Variants in CHD6 observed in about 807,000 individuals in gnomAD.
The protein encoded by CHD6 is chromodomain helicase DNA binding protein 6, also known as ATP-dependent chromatin remodeler CHD6.
CHD6 carries 50 observed loss-of-function variants against 276.9 expected under a neutral mutation model. The observed-to-expected ratio is 0.18, with a 90% CI of 0.14 to 0.23. The LOEUF (loss-of-function observed/expected upper bound fraction) is 0.23, where lower values mean the gene tolerates loss of function less well. Among genes scored for constraint, CHD6 ranks in the 10% least tolerant of loss-of-function variants. CHD6 has a pLI of 1.00. For synonymous variants in CHD6, 1,173 were observed against 1,229.3 expected (o/e 0.95, Z 0.96); for missense variants, 2,564 against 3,365.8 (o/e 0.76, Z 5.89).
At chr20:41,497,096 A>G (rs2043705097) in intron 8 of CHD6, 1 of 302,894 alleles carries the variant, frequency 3.3e-6, no homozygotes, top group Non-Finnish European at 6.3e-6. Context: ...GGGAGCAGGG[A>G]CAAAAGAATT....
At chr20:41,576,773 A>G (rs1022573786) in intron 1 of CHD6, among the ~76,000 whole-genome samples, 1 of 152,170 alleles carries the variant, frequency 6.6e-6, no homozygotes, top group Non-Finnish European at 1.5e-5. Context: ...ATCTTTTTCC[A>G]TTTTATCCCT....
At chr20:41,462,092 G>A (rs1437549764) in intron 17 of CHD6, 2 of 152,198 alleles carry the variant, frequency 1.3e-5, no homozygotes, top group African/African-American at 4.8e-5. Flanking sequence ...GGTTTCTAGT[G>A]CCTACTCAGT....
intron 27 of CHD6, among the ~76,000 whole-genome samples, chr20:41,436,716 G>C (rs1165854797): frequency 3.7e-4 from 57 of 152,146 alleles, no homozygotes; most frequent in Admixed American, 6.5e-5. Flanking sequence ...CAACCACCTA[G>C]ATGAATCCCA....
intron 36 of CHD6, among the ~76,000 whole-genome samples, chr20:41,408,033 C>T (rs1271731234): frequency 6.6e-6 from 1 of 151,948 alleles, no homozygotes; most frequent in African/African-American, 2.4e-5. Context: ...TGAACTCCTA[C>T]ACCTGTCCTT....
intron 25 of CHD6, 108 bp from the exon 26 acceptor site, chr20:41,440,237 CA>C (rs1569080250): frequency 4.0e-6 from 4 of 998,334 alleles, no homozygotes; most frequent in South Asian, 1.7e-5. Flanking sequence ...AAAACAAACA[CA>C]AAAAAATAAT....
intron 1 of CHD6, among the ~76,000 whole-genome samples, chr20:41,601,078 A>G (rs2045768564): frequency 6.6e-6 from 1 of 152,198 alleles, no homozygotes; most frequent in Admixed American, 6.5e-5. Flanking sequence ...TCTTTCTGTG[A>G]CTGTTACCTG....
At position 41,404,393 on chromosome 20, in the gene CHD6, A is replaced by G; in HGVS notation, c.*200T>C. 1 of 1,276,238 alleles carries G rather than the reference A, an allele frequency of 7.8e-7. No homozygotes were observed. The highest frequency in any genetic ancestry group is 9.9e-7 in the Non-Finnish European group (1 of 1,013,306). The allele number at this position is 1,276,238 out of a possible 1,614,324, so 79.1% of individuals were successfully genotyped here. On this transcript the variant is annotated 3_prime_UTR_variant, in exon 37 of 37. Coordinates refer to ENST00000373233, the MANE Select transcript of CHD6 (RefSeq NM_032221.5). Reference sequence around the variant, plus strand: ...ATGAGAATTCTGTGCCTCCTAGACTAGGTAGACAACACTTATCTAATGAAG... The same window carrying G: ...ATGAGAATTCTGTGCCTCCTAGACTGGGTAGACAACACTTATCTAATGAAG...
At position 41,421,146 on chromosome 20, in the gene CHD6, C is replaced by T. The variant is rs958286603; in HGVS notation, c.5489G>A (p.Ser1830Asn). ...CAGGTTTCTTTTGGAGTCACAGACA[C>T]TAAGACTGCACATATCTACAAACCC... ...ESGFVDMCSL[S>N]VCDSKRNLSS... Residue 1830 changes from serine (S) to asparagine (N), a missense_variant, in exon 31 of 37, where the codon AGT becomes AAT. This residue lies in a region of CHD6 where 1,024 missense variants were observed against 1,047.9 expected (regional missense o/e 0.98). Coordinates refer to ENST00000373233, the MANE Select transcript of CHD6 (RefSeq NM_032221.5). 6.2e-7 allele frequency: 1 copy of T among 1,614,054 alleles called. No homozygotes were observed.
At chr20:41,530,968 G>A (rs2044670452) in intron 3 of CHD6, among the ~76,000 whole-genome samples, 2 of 152,176 alleles carry the variant, frequency 1.3e-5, no homozygotes, top group South Asian at 2.1e-4. Context: ...ATCAAATCAA[G>A]TTGCGTTAAT....
intron 14 of CHD6, chr20:41,486,033 A>G (rs1248453243): frequency 3.3e-5 from 5 of 152,144 alleles, no homozygotes; most frequent in Admixed American, 2.0e-4. Flanking sequence ...GTTTTCTCCT[A>G]CCTAACTCCA....
chr20:41,421,431 A>G lies in CHD6; in HGVS notation c.5204T>C (p.Ile1735Thr). 2 of 1,614,194 alleles carry G rather than the reference A, an allele frequency of 1.2e-6. No homozygotes were observed. Among genetic ancestry groups the G allele is most frequent in the Non-Finnish European group, 1.7e-6 (2 of 1,180,022 alleles). ...CCCATCTTTGCTTATTGAGATGGTA[A>G]TAACATCTTTTCTAGATTCAGTATT... Reference protein sequence around the residue: ...STNTESRKDVITISISKDGNC... With the variant: ...STNTESRKDVTTISISKDGNC... Residue 1735 changes from isoleucine to threonine, a missense_variant, in exon 31 of 37, where the codon ATT becomes ACT. Transcript: ENST00000373233.
intron 19 of CHD6, among the ~76,000 whole-genome samples, chr20:41,455,298 T>C (rs1003949806): frequency 3.3e-5 from 5 of 152,078 alleles, no homozygotes; most frequent in Non-Finnish European, 7.4e-5. Flanking sequence ...AACCTGAGAG[T>C]GATCTGCTAA....
In CHD6 at chr20:41,484,732, A is replaced by C; in HGVS notation, c.2002-125T>G. Reference sequence around the variant, plus strand: ...AGTACTGTGGTAGTAGACTAAAAGAAAGATTATGATCGACCCCTGAAAATG... The same window carrying C: ...AGTACTGTGGTAGTAGACTAAAAGACAGATTATGATCGACCCCTGAAAATG... On this transcript the variant is annotated intron_variant, in intron 14 of 36. Coordinates refer to ENST00000373233, the MANE Select transcript of CHD6 (RefSeq NM_032221.5). The C allele has an allele frequency of 8.1e-6, 8 of 993,324 alleles. 1 individual carries two copies. The South Asian group carries it at 1.1e-4, about 14-fold the overall frequency. The allele number at this position is 993,324 out of a possible 1,614,324, so 61.5% of individuals were successfully genotyped here.
chr20:41,578,861 T>G (rs983397675), intron 1 of CHD6, among the ~76,000 whole-genome samples: 1 of 139,118 alleles, frequency 7.2e-6, no homozygotes, highest in Non-Finnish European at 1.5e-5. Flanking sequence ...AGGCCCCCAT[T>G]AGAAAGAAAA....
intron 1 of CHD6, among the ~76,000 whole-genome samples, chr20:41,576,414 G>A (rs2045475075): frequency 6.6e-6 from 1 of 152,202 alleles, no homozygotes; most frequent in Non-Finnish European, 1.5e-5. Context: ...GGCCAGGCGT[G>A]GTGGCTCACA....
intron 27 of CHD6, among the ~76,000 whole-genome samples, chr20:41,434,214 A>G (rs896924548): frequency 4.0e-4 from 61 of 152,218 alleles, no homozygotes; most frequent in African/African-American, 1.4e-3. Flanking sequence ...TAAAAGTAAA[A>G]TAATAAAAAA....
intron 10 of CHD6, among the ~76,000 whole-genome samples, chr20:41,492,923 AAAAT>A: frequency 6.6e-6 from 1 of 152,366 alleles, no homozygotes; most frequent in South Asian, 2.1e-4. Flanking sequence ...TCAAAATAAA[AAAAT>A]AAATAAAAGC....
intron 17 of CHD6, among the ~76,000 whole-genome samples, chr20:41,470,099 G>C (rs116345621): frequency 6.6e-6 from 1 of 152,334 alleles, no homozygotes; most frequent in African/African-American, 2.4e-5. Context: ...TGTGTGGGGA[G>C]AGTGCATCAT....
At position 41,587,815 on chromosome 20, in the gene CHD6, T is replaced by C. The variant is rs1431466475; in HGVS notation, c.-24+30525A>G. ...AGGCCAGCAACTGATGACATTTCTG[T>C]AGTGAAAAACAAACCAAAAAAAACC... On this transcript the variant is annotated intron_variant, in intron 1 of 36. Transcript: ENST00000373233. Among the ~76,000 whole-genome samples the C allele has an allele frequency of 7.0e-5, 10 of 142,258 alleles. No individual in the cohort carries two copies. In the East Asian group the frequency reaches 2.1e-3, roughly 30 times the overall value. The allele number at this position is 142,258 out of a possible 152,430, so 93.3% of individuals were successfully genotyped here. A position where few individuals can be genotyped will look rare whatever the true frequency, so the allele number is the denominator to read the frequency against.
Sources: gnomAD v4.1 joint callset for allele counts (sites outside exome capture counted in the v4.1 genomes callset) on GRCh38, gnomAD v4.1.1 for gene constraint, gnomAD v4.1.1 regional missense constraint, MANE v1.5 for transcripts, NCBI Gene and HGNC (gene_info 2026-07-23, HGNC 2026-07-21) for gene names.